TTN: variants seen among roughly 807,000 people sequenced by gnomAD.
TTN encodes the protein titin.
TTN carries 1,525 observed loss-of-function variants against 3,223.0 expected under a neutral mutation model. The observed-to-expected ratio is 0.47, with a 90% CI of 0.45 to 0.49. The LOEUF is 0.49. TTN is among the 20% of genes least tolerant of loss of function. TTN has a pLI of 0.00. For missense variants in TTN, 40,786 were observed against 43,424.0 expected (o/e 0.94, Z 5.40); for synonymous variants, 14,094 against 15,161.0 (o/e 0.93, Z 5.17).
Position 178,647,078 on chromosome 2 carries a change from G to A in TTN, c.40208C>T (p.Thr13403Ile). The A allele has an allele frequency of 3.0e-6, 4 of 1,335,430 alleles. No individual in the cohort carries two copies. Among genetic ancestry groups the A allele is most frequent in the African/African-American group, 1.5e-5 (1 of 66,124 alleles). 82.7% of individuals were successfully genotyped at this position (1,335,430 alleles called of 1,614,324 possible). A position where few individuals can be genotyped will look rare whatever the true frequency, so the allele number is the denominator to read the frequency against. Residue 13403 changes from threonine (T) to isoleucine (I), a missense_variant, in exon 215 of 363, where the codon ACT becomes ATT. Coordinates refer to ENST00000589042, the MANE Select transcript of TTN (RefSeq NM_001267550.2). ...KASITIGRKE[T>I]PPVEEREIEK... Reference sequence around the variant, plus strand: ...TATATATATACCTTCAACAGGGGGAGTCTCTTTTCTACCAATGGTTATAGA... The same window carrying A: ...TATATATATACCTTCAACAGGGGGAATCTCTTTTCTACCAATGGTTATAGA...
chr2:178,608,544 T>TTAAA, intron 274 of TTN, 62 bp downstream of exon 274: 10 of 1,566,806 alleles, frequency 6.4e-6, no homozygotes, highest in Non-Finnish European at 7.8e-6. Flanking sequence ...TTAAAAGCTG[T>TTAAA]AGTAATTATA....
chr2:178,543,242 G>A lies in TTN; in HGVS notation c.96731C>T (p.Ala32244Val). 6.2e-7 allele frequency: 1 copy of A among 1,613,778 alleles called. No individual in the cohort carries two copies. The highest frequency in any genetic ancestry group is 8.5e-7 in the Non-Finnish European group (1 of 1,179,790). Residue 32244 changes from alanine to valine, a missense_variant, in exon 347 of 363, where the codon GCT (alanine) becomes GTT (valine). By Grantham distance (64) the Ala-to-Val change is moderately conservative (BLOSUM62 0). Transcript: ENST00000589042. ...AACCTTCATCCATCTCTCTGTGCCA[G>A]CTTTGCAGGCCTCGAGAACATATCC... ...LTGYVLEACK[A>V]GTERWMKVVT...
In TTN at chr2:178,558,417, T is replaced by C; in HGVS notation, c.87042A>G (p.Arg29014=). ...GGCCAGCTTGATTTTCAGCAAACAC[T>C]CGGAAAAAGTATTCAGAATTCTCTC... ...GLRENSEYFF[R]VFAENQAGLS... is the part of the protein sequence containing the mutation. The change falls in exon 327 of 363, where the codon CGA becomes CGG. Residue 29014 remains arginine, a synonymous_variant. Coordinates refer to ENST00000589042, the MANE Select transcript of TTN (RefSeq NM_001267550.2). 1 of 1,613,768 alleles carries C rather than the reference T, an allele frequency of 6.2e-7. No homozygotes were observed. Among genetic ancestry groups the C allele is most frequent in the Non-Finnish European group, 8.5e-7 (1 of 1,179,806 alleles).
chr2:178,588,848 G>T lies in TTN; in HGVS notation c.62877C>A (p.Thr20959=). ...PTESKPVIAK[T]KYDKPGRPDP... is the part of the protein sequence containing the mutation. The stretch of plus-strand genomic sequence containing the variant: ...CAGGGCGACCAGGTTTATCATACTT[G>T]GTTTTGGCTATGACTGGTTTACTTT... The change falls in exon 304 of 363, where the codon ACC becomes ACA. Residue 20959 remains threonine (T), a synonymous_variant. Transcript: ENST00000589042. The T allele has an allele frequency of 6.2e-7, 1 of 1,613,284 alleles. No homozygotes were observed. The highest frequency in any genetic ancestry group is 8.5e-7 in the Non-Finnish European group (1 of 1,179,606).
chr2:178,556,454 A>C (rs1701505612), intron 330 of TTN: 3 of 215,264 alleles, frequency 1.4e-5, no homozygotes, highest in South Asian at 7.5e-5. Context: ...AAACAAACAA[A>C]CAAAAAAAAA....
chr2:178,571,738 A>G lies in TTN; in HGVS notation c.74394T>C (p.Ile24798=), dbSNP rs749735497. 1 of 1,613,436 alleles carries G rather than the reference A, an allele frequency of 6.2e-7. No individual in the cohort carries two copies. The highest frequency in any genetic ancestry group is 2.2e-5 in the East Asian group (1 of 44,820). The change falls in exon 326 of 363, where the codon ATT becomes ATC. Residue 24798 remains isoleucine (I), a synonymous_variant. Transcript: ENST00000589042. ...VKLTNSAGEA[I]ETLNVIVLDK... ...CAAGAACGATAACATTAAGGGTTTCAATAGCTTCACCAGCTGAGTTAGTCA... is the reference window on the plus strand; with the variant it reads ...CAAGAACGATAACATTAAGGGTTTCGATAGCTTCACCAGCTGAGTTAGTCA...
chr2:178,613,283 T>C lies in TTN; in HGVS notation c.49533-7A>G, dbSNP rs747701799. On this transcript the variant is annotated splice_region_variant and splice_polypyrimidine_tract_variant and intron_variant, in intron 263 of 362. Transcript: ENST00000589042. ...ATTAGTGAGACCTTTCACTCTGAATTAGGAACAAAGTGCATGTGTATCATC... is the reference window on the plus strand; with the variant it reads ...ATTAGTGAGACCTTTCACTCTGAATCAGGAACAAAGTGCATGTGTATCATC... The C allele has an allele frequency of 1.2e-6, 2 of 1,600,164 alleles. No individual in the cohort carries two copies. The highest frequency in any genetic ancestry group is 1.7e-6 in the Non-Finnish European group (2 of 1,171,492).
rs765578103 is a variant in TTN, at chr2:178,795,170, A to C, written c.997T>G (p.Ser333Ala). ...ACTTCAGGACCTGTGGCCACGGTGGATGCCTGAGTCTTACGCATGAGCAAT... is the reference window on the plus strand; with the variant it reads ...ACTTCAGGACCTGTGGCCACGGTGGCTGCCTGAGTCTTACGCATGAGCAAT... Reference protein sequence around the residue: ...SPLLMRKTQASTVATGPEVPP... With the variant: ...SPLLMRKTQAATVATGPEVPP... Residue 333 changes from serine to alanine, a missense_variant, in exon 7 of 363, where the codon TCC becomes GCC. By Grantham distance (99) the Ser-to-Ala change is moderately conservative. Coordinates refer to ENST00000589042, the MANE Select transcript of TTN (RefSeq NM_001267550.2). 1 of 1,614,146 alleles carries C rather than the reference A, an allele frequency of 6.2e-7. No individual in the cohort carries two copies. The highest frequency in any genetic ancestry group is 8.5e-7 in the Non-Finnish European group (1 of 1,180,016).
rs771792080 is a variant in TTN, at chr2:178,607,307, A to G, written c.53295T>C (p.Pro17765=). Residue 17765 remains proline (P), a synonymous_variant, in exon 278 of 363, where the codon CCT becomes CCC. Coordinates refer to ENST00000589042, the MANE Select transcript of TTN (RefSeq NM_001267550.2). The part of the protein sequence containing the change: ...AAARVEVFDV[P]GPVLDLKPVV... ...CAGGTTTTAAGTCAAGAACTGGACC[A>G]GGGACATCTGAAAACAAAACAAAGC... The G allele has an allele frequency of 1.2e-5, 20 of 1,612,330 alleles. No homozygotes were observed. Among genetic ancestry groups the G allele is most frequent in the African/African-American group, 9.4e-5 (7 of 74,774 alleles).
chr2:178,758,565 C>A (rs1022770713), intron 44 of TTN, among the ~76,000 whole-genome samples: 1 of 152,146 alleles, frequency 6.6e-6, no homozygotes, highest in African/African-American at 2.4e-5. Flanking sequence ...AACGGTCTAG[C>A]TTTTGTGAAA....
At position 178,615,716 on chromosome 2, in the gene TTN, C is replaced by T. The variant is rs756510403; in HGVS notation, c.48385G>A (p.Val16129Ile). ...GGGCCACATTTGTTACGAGCACAAA[C>T]TTTAAATAAGTACTCTTTTCCTTGA... Reference protein sequence around the residue: ...LVQGKEYLFKVCARNKCGPGE... With the variant: ...LVQGKEYLFKICARNKCGPGE... The change falls in exon 258 of 363, where the codon GTT becomes ATT. Residue 16129 changes from valine to isoleucine, a missense_variant. Transcript: ENST00000589042. 2 of 1,612,308 alleles carry T rather than the reference C, an allele frequency of 1.2e-6. No homozygotes were observed. The highest frequency in any genetic ancestry group is 2.7e-5 in the African/African-American group (2 of 74,790).
intron 168 of TTN, 134 bp from the exon 169 acceptor site, chr2:178,664,232 T>A (rs537012086): frequency 7.4e-6 from 7 of 949,660 alleles, no homozygotes; most frequent in African/African-American, 6.7e-5. Flanking sequence ...CCATAATAGG[T>A]GGTGTTTCAG....
At chr2:178,722,983 C>T in intron 75 of TTN, 46 bp from the exon 76 acceptor site, 2 of 1,595,488 alleles carry the variant, frequency 1.3e-6, no homozygotes, top group Non-Finnish European at 1.7e-6. Flanking sequence ...TAATGAATAT[C>T]AAAGAAACTA....
intron 116 of TTN, 43 bp downstream of exon 116, chr2:178,694,784 CAT>C: frequency 1.3e-6 from 2 of 1,510,546 alleles, no homozygotes; most frequent in Non-Finnish European, 1.8e-6. Flanking sequence ...GATCAGTAAA[CAT>C]ATTACTTGTG....
chr2:178,740,219 C>G lies in TTN; in HGVS notation c.13014G>C (p.Gln4338His). The change falls in exon 48 of 363, where the codon CAG becomes CAC. Residue 4338 changes from glutamine (Q) to histidine (H), a missense_variant. Transcript: ENST00000589042. ...CAGAATGCTCTTCTTTGAGCAGTAC[C>G]TGCTTTTCTTCAAGTGCTAGTGGAA... is the stretch of plus-strand genomic sequence containing the variant. ...LRFPLALEEK[Q>H]VLLKEEHSDN... is the part of the protein sequence containing the mutation. 6.2e-7 allele frequency: 1 copy of G among 1,613,702 alleles called. No homozygotes were observed. Among genetic ancestry groups the G allele is most frequent in the Non-Finnish European group, 8.5e-7 (1 of 1,179,794 alleles).
intron 290 of TTN, 35 bp downstream of exon 290, chr2:178,599,111 A>C: frequency 6.6e-7 from 1 of 1,505,522 alleles, no homozygotes; most frequent in South Asian, 1.4e-5. Context: ...AAAAAGTAAA[A>C]ATGGCTTTGT....
chr2:178,646,132 A>ATATATATATG (rs2061948429), intron 216 of TTN, 102 bp from the exon 217 acceptor site: 1 of 153,736 alleles, frequency 6.5e-6, no homozygotes, highest in Non-Finnish European at 1.3e-5. Context: ...ATATATATAT[A>ATATATATATG]TATATATATA....
In TTN at chr2:178,543,919, A is replaced by G; in HGVS notation, c.96225T>C (p.Val32075=). The G allele has an allele frequency of 6.2e-7, 1 of 1,613,734 alleles. No individual in the cohort carries two copies. The change falls in exon 346 of 363, where the codon GTT becomes GTC. Residue 32075 remains valine, a synonymous_variant. Transcript: ENST00000589042. The part of the protein sequence containing the change: ...ESYSLLIVDK[V]NRYDAGKYTI... The stretch of plus-strand genomic sequence containing the variant: ...TGTATTTTCCAGCATCGTACCGATT[A>G]ACTTTGTCCACTATTAGCAATGAGT...
Position 178,539,559 on chromosome 2 carries a change from G to T in TTN, c.98506C>A (p.Arg32836=). Residue 32836 remains arginine (R), a synonymous_variant, in exon 352 of 363, where the codon CGA becomes AGA. Transcript: ENST00000589042. ...ADILGYILER[R]EVPKAAWYTI... ...TACCAGGCGGCTTTAGGCACTTCTC[G>T]TCTCTCGAGGATGTAGCCTAAGATG... is the stretch of plus-strand genomic sequence containing the variant. 6.2e-7 allele frequency: 1 copy of T among 1,613,734 alleles called. No homozygotes were observed. Among genetic ancestry groups the T allele is most frequent in the South Asian group, 1.1e-5 (1 of 91,070 alleles).
Sources: allele counts gnomAD v4.1 joint callset (sites outside exome capture counted in the v4.1 genomes callset), GRCh38; gene constraint gnomAD v4.1.1; transcripts MANE v1.5; gene names NCBI Gene and HGNC (gene_info 2026-07-23, HGNC 2026-07-21).